DDC: variants seen among roughly 807,000 people sequenced by gnomAD.
DDC encodes dopa decarboxylase, also known as aromatic-L-amino-acid decarboxylase.
Under a neutral mutation model 60.0 loss-of-function variants are expected in DDC, and 43 were observed. That is an observed-to-expected ratio of 0.72 (90% CI 0.56 to 0.92). The LOEUF (loss-of-function observed/expected upper bound fraction) is 0.92. Ranked by LOEUF, DDC falls within the 40% of genes least tolerant of loss-of-function variation. The probability of loss-of-function intolerance (pLI) is 0.00; values close to 1 mark genes in which losing one functional copy is unlikely to be tolerated. For synonymous variants in DDC, 232 were observed against 234.6 expected, an observed-to-expected ratio of 0.99 and a Z score of 0.10; for missense variants, 573 against 620.2, an observed-to-expected ratio of 0.92 and a Z score of 0.81.
chr7:50,463,875 A>C (rs1022639987), intron 13 of DDC, among the ~76,000 whole-genome samples: 1 of 152,196 alleles, frequency 6.6e-6, no homozygotes, highest in African/African-American at 2.4e-5. Flanking sequence ...ATCTGAGAAG[A>C]ATGTCCATGA....
chr7:50,482,150 T>C (rs1286190403), intron 9 of DDC, among the ~76,000 whole-genome samples: 1 of 152,172 alleles, frequency 6.6e-6, no homozygotes, highest in East Asian at 1.9e-4. Flanking sequence ...TCTACGGCCG[T>C]ATTCAATAGC....
intron 10 of DDC, among the ~76,000 whole-genome samples, chr7:50,478,159 G>C (rs1220225540): frequency 6.6e-6 from 1 of 152,036 alleles, no homozygotes; most frequent in Non-Finnish European, 1.5e-5. Flanking sequence ...GCTGCAGAGA[G>C]CCAAGGTTGC....
Position 50,537,901 on chromosome 7 carries a change from A to G in DDC, c.394T>C (p.Phe132Leu). The change falls in exon 4 of 15, where the codon TTT becomes CTT. Residue 132 changes from phenylalanine to leucine, a missense_variant. Transcript: ENST00000444124. ...LGKMLELPKA[F>L]LNEKAGEGGG... ...CCTTCTCCAGCTTTCTCATTCAAAA[A>G]TGCCTTTGGTAGTTCCAGCATCTTC... is the stretch of plus-strand genomic sequence containing the variant. 6.2e-7 allele frequency: 1 copy of G among 1,614,134 alleles called. No individual in the cohort carries two copies. The highest frequency in any genetic ancestry group is 8.5e-7 in the Non-Finnish European group (1 of 1,180,036).
chr7:50,499,994 A>C (rs917296134), intron 7 of DDC, among the ~76,000 whole-genome samples: 1 of 152,162 alleles, frequency 6.6e-6, no homozygotes, highest in East Asian at 1.9e-4. Flanking sequence ...GGGATGAGCA[A>C]GGGAATATTT....
intron 1 of DDC, among the ~76,000 whole-genome samples, chr7:50,557,291 A>G (rs2045217432): frequency 6.6e-6 from 1 of 152,184 alleles, no homozygotes; most frequent in Non-Finnish European, 1.5e-5. Context: ...GCCATAGAGA[A>G]GTTTGTCTTG....
At chr7:50,489,779 C>T (rs1052458744) in intron 9 of DDC, among the ~76,000 whole-genome samples, 3 of 152,190 alleles carry the variant, frequency 2.0e-5, no homozygotes, top group Non-Finnish European at 4.4e-5. Flanking sequence ...TACACTGATG[C>T]AAGACCAGCA....
At chr7:50,463,023 C>T (rs549047765) in intron 14 of DDC, among the ~76,000 whole-genome samples, 190 bp downstream of exon 14, 10 of 152,328 alleles carry the variant, frequency 6.6e-5, no homozygotes, top group Non-Finnish European at 5.9e-5. Context: ...CCACCCTGGC[C>T]TCCCAAAGTG....
chr7:50,499,102 A>T (rs2043188147), intron 8 of DDC, 46 bp downstream of exon 8: 2 of 1,412,956 alleles, frequency 1.4e-6, no homozygotes, highest in Admixed American at 3.3e-5. Context: ...GGTCAATAAC[A>T]GAGCACTGTG....
At chr7:50,469,138 G>T (rs1026653689) in intron 12 of DDC, among the ~76,000 whole-genome samples, 1 of 150,488 alleles carries the variant, frequency 6.6e-6, no homozygotes, top group Non-Finnish European at 1.5e-5. Flanking sequence ...TAGAGACAAG[G>T]TTTCACTATG....
In DDC at chr7:50,518,697, T is replaced by C. The variant is rs138140133; in HGVS notation, c.714+9440A>G. 4.7e-3 allele frequency among the ~76,000 whole-genome samples: 717 copies of C among 152,348 alleles called. 4 individuals are homozygous for C. The highest frequency in any genetic ancestry group is 0.011 in the Admixed American group (161 of 15,308). On this transcript the variant is annotated intron_variant, in intron 6 of 14. Transcript: ENST00000444124. ...AATTGGCTAGCCACATGTAGGAGAATGAAACCGCATCCTCATCTCTCACCT... is the reference window on the plus strand; with the variant it reads ...AATTGGCTAGCCACATGTAGGAGAACGAAACCGCATCCTCATCTCTCACCT...
intron 4 of DDC, among the ~76,000 whole-genome samples, chr7:50,530,906 A>G (rs2153546425): frequency 6.6e-6 from 1 of 152,322 alleles, no homozygotes; most frequent in East Asian, 1.9e-4. Flanking sequence ...TGCTCTCTTC[A>G]TTGACCCTGA....
chr7:50,545,665 GT>G (rs2044779014), intron 1 of DDC, among the ~76,000 whole-genome samples: 1 of 152,116 alleles, frequency 6.6e-6, no homozygotes, highest in South Asian at 2.1e-4. Context: ...TAGAGGCGGG[GT>G]TTCACCACAT....
At chr7:50,528,516 A>G (rs2044104102) in intron 5 of DDC, among the ~76,000 whole-genome samples, 1 of 152,166 alleles carries the variant, frequency 6.6e-6, no homozygotes, top group Admixed American at 6.5e-5. Flanking sequence ...ATCAGGCACT[A>G]ACAAGGGTAA....
chr7:50,501,444 G>A (rs2043254778), intron 7 of DDC, among the ~76,000 whole-genome samples: 1 of 152,116 alleles, frequency 6.6e-6, no homozygotes, highest in Non-Finnish European at 1.5e-5. Context: ...ATCCATCCAA[G>A]CAGACCAATC....
At chr7:50,477,581 A>G (rs2042674662) in intron 10 of DDC, 2 of 456,134 alleles carry the variant, frequency 4.4e-6, no homozygotes, top group Non-Finnish European at 8.8e-6. Flanking sequence ...GAGTGCCTAC[A>G]TTGTATTTAC....
chr7:50,499,208 T>G lies in DDC; in HGVS notation c.816A>C (p.Ala272=), dbSNP rs767990522. The part of the protein sequence containing the change: ...NKEDIWLHVD[A]AYAGSAFICP... ...AGATGAATGCACTGCCTGCGTAGGCTGCATCAACGTGCAGCCATATGTCTT... is the reference window on the plus strand; with the variant it reads ...AGATGAATGCACTGCCTGCGTAGGCGGCATCAACGTGCAGCCATATGTCTT... Residue 272 remains alanine (A), a synonymous_variant, in exon 8 of 15, where the codon GCA becomes GCC. Transcript: ENST00000444124. 4.0e-5 allele frequency: 64 copies of G among 1,613,874 alleles called. 1 individual carries two copies. The Middle Eastern group carries it at 4.9e-4, about 12-fold the overall frequency.
At chr7:50,514,433 C>CA (rs1347553856) in intron 6 of DDC, among the ~76,000 whole-genome samples, 1 of 152,098 alleles carries the variant, frequency 6.6e-6, no homozygotes, top group Non-Finnish European at 1.5e-5. Flanking sequence ...TCAACACCCC[C>CA]CAAAAAAATC....
intron 4 of DDC, among the ~76,000 whole-genome samples, chr7:50,531,067 G>A (rs1392105464): frequency 5.9e-5 from 9 of 152,080 alleles, no homozygotes; most frequent in Admixed American, 1.3e-4. Flanking sequence ...AGATATATGC[G>A]TCTCTTAATT....
At chr7:50,463,453 A>G in intron 13 of DDC, 22 bp from the exon 14 acceptor site, 1 of 1,607,674 alleles carries the variant, frequency 6.2e-7, no homozygotes, top group Non-Finnish European at 8.5e-7. Flanking sequence ...GAAAGAGAGG[A>G]ACTGTGCTCA....
Sources: allele counts gnomAD v4.1 joint callset (sites outside exome capture counted in the v4.1 genomes callset), GRCh38; gene constraint gnomAD v4.1.1; transcripts MANE v1.5; gene names NCBI Gene and HGNC (gene_info 2026-07-23, HGNC 2026-07-21).